ARHGAP18: variants seen among roughly 807,000 people sequenced by gnomAD.
ARHGAP18 encodes rho GTPase-activating protein 18.
ARHGAP18 carries 67 observed loss-of-function variants against 86.2 expected under a neutral mutation model. That is an observed-to-expected ratio of 0.78 (90% CI 0.64 to 0.95). The LOEUF (loss-of-function observed/expected upper bound fraction) is 0.95, where lower values mean the gene tolerates loss of function less well. Ranked by LOEUF, ARHGAP18 falls within the 40% of genes least tolerant of loss-of-function variation. The probability of loss-of-function intolerance (pLI) is 0.00; values close to 1 mark genes in which losing one functional copy is unlikely to be tolerated. For synonymous variants in ARHGAP18, 283 were observed against 280.4 expected (o/e 1.01, Z -0.09); for missense variants, 691 against 780.4 (o/e 0.89, Z 1.37).
At position 129,584,116 on chromosome 6, in the gene ARHGAP18, C is replaced by A. The variant is rs750638938; in HGVS notation, c.1714-4G>T. 61 of 1,613,220 alleles carry A rather than the reference C, an allele frequency of 3.8e-5. No homozygotes were observed. Among genetic ancestry groups the A allele is most frequent in the Non-Finnish European group, 5.0e-5 (59 of 1,179,582 alleles). On this transcript the variant is annotated splice_region_variant and splice_polypyrimidine_tract_variant and intron_variant, in intron 12 of 14. Coordinates refer to ENST00000368149, the MANE Select transcript of ARHGAP18 (RefSeq NM_033515.3). ...TCACTCCCTGAGGAACGTCAGCCTG[C>A]AAAGCAATAATGACACTGGAACAAA...
Position 129,693,454 on chromosome 6 carries a change from G to A in ARHGAP18, c.113+16570C>T, listed in dbSNP as rs529796968. On this transcript the variant is annotated intron_variant, in intron 1 of 14. Coordinates refer to ENST00000368149, the MANE Select transcript of ARHGAP18 (RefSeq NM_033515.3). ...TTTCAAATGATTACTAATGGGGAGA[G>A]AAGAAGGCCCCAGCCTAGGGCTTTC... Among the ~76,000 whole-genome samples the A allele has an allele frequency of 7.2e-5, 11 of 152,240 alleles. No homozygotes were observed. The South Asian group carries it at 2.3e-3, about 32-fold the overall frequency.
intron 1 of ARHGAP18, among the ~76,000 whole-genome samples, chr6:129,691,599 C>T (rs1421707968): frequency 2.6e-5 from 4 of 152,054 alleles, no homozygotes; most frequent in Non-Finnish European, 5.9e-5. Context: ...ATTCTGTATT[C>T]GAGCGCTATC....
At chr6:129,648,108 T>C (rs1364399953) in intron 1 of ARHGAP18, among the ~76,000 whole-genome samples, 1 of 152,142 alleles carries the variant, frequency 6.6e-6, no homozygotes, top group Admixed American at 6.5e-5. Context: ...CATTTAAAAA[T>C]CAAACCATAT....
chr6:129,581,607 G>C (rs1423671808), intron 13 of ARHGAP18, among the ~76,000 whole-genome samples: 4 of 152,058 alleles, frequency 2.6e-5, no homozygotes, highest in African/African-American at 9.7e-5. Flanking sequence ...AGATTTCCTG[G>C]TATATTCAGA....
chr6:129,700,008 A>T (rs929282866), intron 1 of ARHGAP18, among the ~76,000 whole-genome samples: 1 of 152,186 alleles, frequency 6.6e-6, no homozygotes, highest in Admixed American at 6.5e-5. Flanking sequence ...TGGGAAGGAG[A>T]TGGGGCACAG....
At chr6:129,611,969 T>A (rs1467568809) in intron 7 of ARHGAP18, among the ~76,000 whole-genome samples, 2 of 152,246 alleles carry the variant, frequency 1.3e-5, no homozygotes, top group Non-Finnish European at 2.9e-5. Flanking sequence ...ATAAATCTTA[T>A]GAAAATCTAG....
At chr6:129,648,325 C>T (rs1201383836) in intron 1 of ARHGAP18, among the ~76,000 whole-genome samples, 3 of 151,982 alleles carry the variant, frequency 2.0e-5, no homozygotes, top group East Asian at 2.0e-4. Context: ...GCACACACCA[C>T]TTCACCTGGC....
At position 129,691,051 on chromosome 6, in the gene ARHGAP18, C is replaced by A. The variant is rs149803506; in HGVS notation, c.113+18973G>T. 1.7e-3 allele frequency among the ~76,000 whole-genome samples: 256 copies of A among 152,252 alleles called. 1 individual carries two copies. The highest frequency in any genetic ancestry group is 5.9e-3 in the African/African-American group (246 of 41,564). On this transcript the variant is annotated intron_variant, in intron 1 of 14. Coordinates refer to ENST00000368149, the MANE Select transcript of ARHGAP18 (RefSeq NM_033515.3). ...ATATAAGCTGATCCTTTGAGTAATA[C>A]AATGCATGTAATATTATTGCACAAA...
intron 1 of ARHGAP18, among the ~76,000 whole-genome samples, chr6:129,690,860 C>T (rs200433939): frequency 6.6e-6 from 1 of 152,094 alleles, no homozygotes. Context: ...AATTTATATG[C>T]TTTCAAAGAT....
chr6:129,687,926 C>T (rs1233092670), intron 1 of ARHGAP18, among the ~76,000 whole-genome samples: 1 of 151,962 alleles, frequency 6.6e-6, no homozygotes, highest in Non-Finnish European at 1.5e-5. Context: ...GATACAAAAC[C>T]ATGCCATCTC....
In ARHGAP18 at chr6:129,600,674, A is replaced by C; in HGVS notation, c.1540T>G (p.Leu514Val). ...AGAAGTTTTTGGTACTTAATCAATA[A>C]GTGCATGGTATTTGCTGTCCCAGCT... ...MAAGTANTMH[L>V]LIKYQKLLWT... Residue 514 changes from leucine (L) to valine (V), a missense_variant, in exon 11 of 15, where the codon TTA becomes GTA. Transcript: ENST00000368149. The C allele has an allele frequency of 6.2e-7, 1 of 1,613,574 alleles. No homozygotes were observed. Among genetic ancestry groups the C allele is most frequent in the Non-Finnish European group, 8.5e-7 (1 of 1,179,696 alleles).
chr6:129,623,295 A>G (rs1789271414), intron 5 of ARHGAP18, among the ~76,000 whole-genome samples: 1 of 152,200 alleles, frequency 6.6e-6, no homozygotes, highest in East Asian at 1.9e-4. Context: ...CCTCTCTAAC[A>G]TGTTTCCATG....
intron 6 of ARHGAP18, among the ~76,000 whole-genome samples, chr6:129,616,950 G>T (rs369426742): frequency 7.2e-5 from 11 of 152,196 alleles, no homozygotes; most frequent in East Asian, 3.9e-4. Flanking sequence ...AGCTGTCACC[G>T]TTTTTATCAC....
chr6:129,593,075 C>T (rs545351843), intron 12 of ARHGAP18, among the ~76,000 whole-genome samples: 2 of 152,208 alleles, frequency 1.3e-5, no homozygotes, highest in Admixed American at 6.5e-5. Context: ...AGCTTTTAGA[C>T]GATACACACG....
Position 129,576,689 on chromosome 6 carries a change from C to T in ARHGAP18, c.*1824G>A, listed in dbSNP as rs1788181873. The T allele has an allele frequency of 6.6e-6, 1 of 152,108 alleles. No individual in the cohort carries two copies. The highest frequency in any genetic ancestry group is 6.5e-5 in the Admixed American group (1 of 15,268). The allele number at this position is 152,108 out of a possible 1,614,324, so 9.4% of individuals were successfully genotyped here. A position where few individuals can be genotyped will look rare whatever the true frequency, so the allele number is the denominator to read the frequency against. On this transcript the variant is annotated 3_prime_UTR_variant, in exon 15 of 15. Coordinates refer to ENST00000368149, the MANE Select transcript of ARHGAP18 (RefSeq NM_033515.3). ...CGTTGCGAAATTTAGTTGGCATATG[C>T]TTCAGACAACCTTTTACTTAAATCA... is the stretch of plus-strand genomic sequence containing the variant.
intron 1 of ARHGAP18, among the ~76,000 whole-genome samples, chr6:129,708,257 T>C (rs370239470): frequency 1.3e-5 from 2 of 152,140 alleles, no homozygotes; most frequent in East Asian, 3.9e-4. Context: ...TGGTGGGAAG[T>C]TGGGTCTGGT....
intron 9 of ARHGAP18, 62 bp from the exon 10 acceptor site, chr6:129,606,021 T>C: frequency 6.6e-7 from 1 of 1,512,424 alleles, no homozygotes; most frequent in Non-Finnish European, 9.2e-7. Flanking sequence ...TTTACTTTAT[T>C]TTTTCACTTT....
rs76403936 is a variant in ARHGAP18 at position 129,620,702 on chromosome 6, C to T, written c.787-1850G>A. Among the ~76,000 whole-genome samples the T allele has an allele frequency of 6.7e-3, 1,017 of 152,262 alleles. 11 individuals are homozygous for T. Among genetic ancestry groups the T allele is most frequent in the African/African-American group, 0.023 (962 of 41,536 alleles). ...ATTCCCTTTGCTTTGGTACTTCTTG[C>T]GTCTTATCATTAACACTTCATCGTC... On this transcript the variant is annotated intron_variant, in intron 5 of 14. Coordinates refer to ENST00000368149, the MANE Select transcript of ARHGAP18 (RefSeq NM_033515.3).
chr6:129,646,725 G>A (rs1015473241), intron 1 of ARHGAP18, among the ~76,000 whole-genome samples: 8 of 152,156 alleles, frequency 5.3e-5, no homozygotes, highest in South Asian at 4.1e-4. Context: ...CTGCTTCTGC[G>A]TTCAATCTTT....
Sources: allele counts gnomAD v4.1 joint callset (sites outside exome capture counted in the v4.1 genomes callset), GRCh38; gene constraint gnomAD v4.1.1; transcripts MANE v1.5; gene names NCBI Gene and HGNC (gene_info 2026-07-23, HGNC 2026-07-21).